The following ADAMTS12 variants were observed in gnomAD, a reference collection of about 807,000 sequenced individuals.
ADAMTS12 encodes the protein ADAM metallopeptidase with thrombospondin type 1 motif 12.
Under a neutral mutation model 167.8 loss-of-function variants are expected in ADAMTS12, and 118 were observed. The observed-to-expected ratio is 0.70, with a 90% CI of 0.61 to 0.82. The LOEUF (loss-of-function observed/expected upper bound fraction) is 0.82. ADAMTS12 is among the 40% of genes least tolerant of loss of function. The pLI is 0.00. For missense variants in ADAMTS12, 1,916 were observed against 1,998.8 expected (o/e 0.96, Z 0.79); for synonymous variants, 704 against 716.9 (o/e 0.98, Z 0.29).
At chr5:33,566,850 C>T (rs1418899353) in intron 19 of ADAMTS12, among the ~76,000 whole-genome samples, 4 of 152,160 alleles carry the variant, frequency 2.6e-5, no homozygotes, top group African/African-American at 9.7e-5. Flanking sequence ...CACTTCAAGG[C>T]TTGGAGCATA....
intron 11 of ADAMTS12, among the ~76,000 whole-genome samples, chr5:33,639,747 G>A (rs556442842): frequency 6.6e-6 from 1 of 152,234 alleles, no homozygotes. Flanking sequence ...AATCCTGGCA[G>A]TCTAGTCAAG....
At chr5:33,883,810 A>G (rs1308453783) in intron 1 of ADAMTS12, among the ~76,000 whole-genome samples, 1 of 152,214 alleles carries the variant, frequency 6.6e-6, no homozygotes, top group African/African-American at 2.4e-5. Context: ...ACTGAGGTGT[A>G]TAACTGACTC....
At chr5:33,542,091 C>A (rs1375381213) in intron 22 of ADAMTS12, among the ~76,000 whole-genome samples, 1 of 151,698 alleles carries the variant, frequency 6.6e-6, no homozygotes, top group African/African-American at 2.4e-5. Flanking sequence ...TTCAGGAGAC[C>A]CATCTCACAT....
At chr5:33,856,845 T>C (rs1654261297) in intron 2 of ADAMTS12, among the ~76,000 whole-genome samples, 1 of 152,086 alleles carries the variant, frequency 6.6e-6, no homozygotes, top group Admixed American at 6.6e-5. Flanking sequence ...AGTGTGAAAA[T>C]TCCTCAAAAA....
intron 18 of ADAMTS12, among the ~76,000 whole-genome samples, chr5:33,587,704 G>A (rs373831238): frequency 1.5e-4 from 23 of 152,110 alleles, no homozygotes; most frequent in Middle Eastern, 3.4e-3. Flanking sequence ...CTCCTTCCTC[G>A]GCCTCCTAAA....
intron 11 of ADAMTS12, 43 bp from the exon 12 acceptor site, chr5:33,637,789 C>T (rs112923487): frequency 1.6e-4 from 258 of 1,598,888 alleles, no homozygotes; most frequent in African/African-American, 8.3e-4. Context: ...TTTGCTTCAA[C>T]GCCAGCACTT....
intron 22 of ADAMTS12, among the ~76,000 whole-genome samples, chr5:33,541,964 A>G (rs1010787030): frequency 6.6e-6 from 1 of 152,236 alleles, no homozygotes; most frequent in African/African-American, 2.4e-5. Flanking sequence ...CATCATAATG[A>G]CAGGATCAAA....
chr5:33,693,872 C>G (rs1348663816), intron 3 of ADAMTS12, among the ~76,000 whole-genome samples: 1 of 152,138 alleles, frequency 6.6e-6, no homozygotes, highest in Non-Finnish European at 1.5e-5. Context: ...GAGAGGAAGT[C>G]AAACTCTATC....
intron 3 of ADAMTS12, among the ~76,000 whole-genome samples, chr5:33,710,095 C>T (rs747074676): frequency 7.2e-5 from 11 of 152,118 alleles, no homozygotes; most frequent in Non-Finnish European, 1.3e-4. Flanking sequence ...AGGACTGTTA[C>T]GGTGACCCAA....
At chr5:33,851,256 C>G (rs1561308314) in intron 2 of ADAMTS12, among the ~76,000 whole-genome samples, 1 of 151,898 alleles carries the variant, frequency 6.6e-6, no homozygotes, top group African/African-American at 2.4e-5. Flanking sequence ...ACTAAAAATA[C>G]AAAAAATTAA....
At chr5:33,632,377 C>T (rs1007123682) in intron 12 of ADAMTS12, among the ~76,000 whole-genome samples, 2 of 81,324 alleles carry the variant, frequency 2.5e-5, no homozygotes, top group African/African-American at 3.3e-5. Flanking sequence ...CAAACAAGCA[C>T]ATGTGCTCCC....
intron 2 of ADAMTS12, among the ~76,000 whole-genome samples, chr5:33,783,053 G>T (rs1025809116): frequency 1.3e-5 from 2 of 151,934 alleles, no homozygotes; most frequent in Admixed American, 6.6e-5. Context: ...ATGTAAAAGA[G>T]TTAAAATCAT....
At chr5:33,846,277 T>C (rs1283990022) in intron 2 of ADAMTS12, among the ~76,000 whole-genome samples, 3 of 152,054 alleles carry the variant, frequency 2.0e-5, no homozygotes, top group Non-Finnish European at 4.4e-5. Context: ...CTGTTTCCAA[T>C]ACTTACTAGA....
At chr5:33,739,195 T>A (rs1034780479) in intron 3 of ADAMTS12, among the ~76,000 whole-genome samples, 1 of 152,108 alleles carries the variant, frequency 6.6e-6, no homozygotes, top group Non-Finnish European at 1.5e-5. Flanking sequence ...GAGCTGACAG[T>A]GTGTGACGTG....
rs1254212257 is a variant in ADAMTS12, at chr5:33,621,525, T to A, written c.2143+2706A>T. Among the ~76,000 whole-genome samples, 7 of 152,294 alleles carry A rather than the reference T, an allele frequency of 4.6e-5. No individual in the cohort carries two copies. In the South Asian group the frequency reaches 1.5e-3, roughly 32 times the overall value. ...GATGCTAACACACATCTTATCCAAC[T>A]GTTTTTGTGGTCCACAAAAACGGAC... On this transcript the variant is annotated intron_variant, in intron 14 of 23. Transcript: ENST00000504830.
At chr5:33,781,442 GC>G (rs1334790618) in intron 2 of ADAMTS12, among the ~76,000 whole-genome samples, 1 of 152,148 alleles carries the variant, frequency 6.6e-6, no homozygotes, top group Non-Finnish European at 1.5e-5. Context: ...CTGGAAGTCT[GC>G]ATTTCTCACA....
At chr5:33,744,630 A>G (rs112657085) in intron 3 of ADAMTS12, among the ~76,000 whole-genome samples, 179 of 152,342 alleles carry the variant, frequency 1.2e-3, no homozygotes, top group Middle Eastern at 0.01. Context: ...GCTGGGGCAC[A>G]GTAATGATAC....
At chr5:33,884,638 C>G (rs1386087855) in intron 1 of ADAMTS12, among the ~76,000 whole-genome samples, 5 of 152,156 alleles carry the variant, frequency 3.3e-5, no homozygotes, top group Non-Finnish European at 5.9e-5. Flanking sequence ...TCTCCACTGG[C>G]CTTTAAGCCT....
chr5:33,662,980 T>C lies in ADAMTS12; in HGVS notation c.916-940A>G, dbSNP rs74517368. On this transcript the variant is annotated intron_variant, in intron 5 of 23. Transcript: ENST00000504830. ...ACTTCAGGACAGTCTCTGCATGAAA[T>C]TATGAGCTTGCTTCTCTACCATTCT... Among the ~76,000 whole-genome samples the C allele has an allele frequency of 6.5e-3, 995 of 152,290 alleles. 7 individuals carry two copies. Among genetic ancestry groups the C allele is most frequent in the African/African-American group, 0.023 (962 of 41,564 alleles).
Sources: gnomAD v4.1 joint callset for allele counts (sites outside exome capture counted in the v4.1 genomes callset) on GRCh38, gnomAD v4.1.1 for gene constraint, MANE v1.5 for transcripts, NCBI Gene and HGNC (gene_info 2026-07-23, HGNC 2026-07-21) for gene names.